ZC2HC1A: variants seen among roughly 807,000 people sequenced by gnomAD.
ZC2HC1A encodes zinc finger C2HC-type containing 1A, also known as zinc finger C2HC domain-containing protein 1A.
ZC2HC1A carries 28 observed loss-of-function variants against 40.7 expected under a neutral mutation model. That is an observed-to-expected ratio of 0.69 (90% confidence interval 0.51 to 0.94). The LOEUF (loss-of-function observed/expected upper bound fraction) is 0.94, where lower values mean the gene tolerates loss of function less well. Among genes scored for constraint, ZC2HC1A ranks in the 40% least tolerant of loss-of-function variants. The pLI is 0.00. For synonymous variants in ZC2HC1A, 129 were observed against 129.2 expected, an observed-to-expected ratio of 1.00 and a Z score of 0.01; for missense variants, 389 against 386.3, an observed-to-expected ratio of 1.01 and a Z score of -0.06.
chr8:78,666,335 G>C (rs891738276), intron 1 of ZC2HC1A, among the ~76,000 whole-genome samples, 171 bp downstream of exon 1: 6 of 152,210 alleles, frequency 3.9e-5, no homozygotes, highest in Non-Finnish European at 7.4e-5. Flanking sequence ...TCCCCGATGC[G>C]GTGGAGCTAA....
At chr8:78,668,881 C>A (rs1318286377) in intron 1 of ZC2HC1A, among the ~76,000 whole-genome samples, 2 of 151,094 alleles carry the variant, frequency 1.3e-5, no homozygotes, top group East Asian at 3.9e-4. Flanking sequence ...CAGATTTTAT[C>A]CTTATATACA....
chr8:78,680,286 C>CCAAA (rs1809732644), intron 3 of ZC2HC1A, among the ~76,000 whole-genome samples: 2 of 88,150 alleles, frequency 2.3e-5, no homozygotes, highest in African/African-American at 9.0e-5. Flanking sequence ...GACTCCGTCT[C>CCAAA]AAAAAAAAAA....
chr8:78,697,296 A>G, intron 5 of ZC2HC1A, 111 bp from the exon 6 acceptor site: 1 of 845,092 alleles, frequency 1.2e-6, no homozygotes, highest in Non-Finnish European at 1.8e-6. Context: ...AACTCTTTTC[A>G]TCTTGTAAGG....
chr8:78,712,608 A>C (rs945598966), intron 7 of ZC2HC1A, among the ~76,000 whole-genome samples: 2 of 152,158 alleles, frequency 1.3e-5, no homozygotes, highest in African/African-American at 4.8e-5. Context: ...TTCTGCCTAC[A>C]ACCGGGAAAA....
intron 7 of ZC2HC1A, among the ~76,000 whole-genome samples, chr8:78,712,437 G>A (rs1423929994): frequency 6.6e-6 from 1 of 151,940 alleles, no homozygotes; most frequent in Non-Finnish European, 1.5e-5. Context: ...GTTTTAAAAA[G>A]CAGAGTTTGA....
chr8:78,676,700 C>G (rs1345660853), intron 2 of ZC2HC1A, among the ~76,000 whole-genome samples: 2 of 151,956 alleles, frequency 1.3e-5, no homozygotes, highest in African/African-American at 4.8e-5. Context: ...ACTGTAGGCA[C>G]CTTTTAAATA....
chr8:78,686,426 T>C, intron 3 of ZC2HC1A, 41 bp from the exon 4 acceptor site: 1 of 1,243,634 alleles, frequency 8.0e-7, no homozygotes. Flanking sequence ...AAAAAGATAC[T>C]GTTTGTTTAT....
chr8:78,668,108 C>G (rs1210357832), intron 1 of ZC2HC1A, among the ~76,000 whole-genome samples: 1 of 152,038 alleles, frequency 6.6e-6, no homozygotes, highest in Non-Finnish European at 1.5e-5. Context: ...CTAATAAAAG[C>G]TCTTGAGAAT....
At chr8:78,691,545 G>C (rs1250729594) in intron 5 of ZC2HC1A, among the ~76,000 whole-genome samples, 1 of 151,682 alleles carries the variant, frequency 6.6e-6, no homozygotes, top group Non-Finnish European at 1.5e-5. Flanking sequence ...CATCTTGTTG[G>C]TCAAAATTGC....
chr8:78,704,228 A>T (rs187628473), intron 7 of ZC2HC1A, among the ~76,000 whole-genome samples: 202 of 151,972 alleles, frequency 1.3e-3, no homozygotes, highest in Non-Finnish European at 2.2e-3. Context: ...TTTAAAAAAA[A>T]AATACAAAAA....
At chr8:78,672,225 T>A (rs193223057) in intron 1 of ZC2HC1A, among the ~76,000 whole-genome samples, 3,077 of 152,200 alleles carry the variant, frequency 0.02, 97 homozygotes, top group African/African-American at 0.062. Context: ...AATATTTTTT[T>A]AAAAATTATT....
intron 7 of ZC2HC1A, among the ~76,000 whole-genome samples, chr8:78,705,161 A>C (rs1810731875): frequency 6.6e-6 from 1 of 152,164 alleles, no homozygotes; most frequent in Non-Finnish European, 1.5e-5. Context: ...TTCCTGTTGG[A>C]GAGGTGATGC....
chr8:78,680,887 A>T (rs993762947), intron 3 of ZC2HC1A, among the ~76,000 whole-genome samples: 15 of 152,136 alleles, frequency 9.9e-5, no homozygotes, highest in African/African-American at 3.6e-4. Context: ...AGAAACTGGG[A>T]GGAGCTGTAG....
intron 8 of ZC2HC1A, among the ~76,000 whole-genome samples, chr8:78,716,268 G>A (rs971883637): frequency 4.6e-5 from 7 of 151,102 alleles, no homozygotes; most frequent in African/African-American, 9.7e-5. Context: ...GACTACAGGC[G>A]CCCGCCACCA....
At chr8:78,680,793 G>T (rs181684134) in intron 3 of ZC2HC1A, among the ~76,000 whole-genome samples, 1 of 152,298 alleles carries the variant, frequency 6.6e-6, no homozygotes, top group Admixed American at 6.5e-5. Context: ...AAGTTGAGGG[G>T]TTTCCTCATC....
At chr8:78,684,317 A>G (rs773832174) in intron 3 of ZC2HC1A, among the ~76,000 whole-genome samples, 12 of 152,214 alleles carry the variant, frequency 7.9e-5, no homozygotes, top group Non-Finnish European at 1.0e-4. Flanking sequence ...TGGAAGGTGA[A>G]GAAGAATCAA....
At chr8:78,673,281 G>C (rs1283979786) in intron 1 of ZC2HC1A, among the ~76,000 whole-genome samples, 1 of 152,114 alleles carries the variant, frequency 6.6e-6, no homozygotes, top group Non-Finnish European at 1.5e-5. Context: ...TTCCATGGTA[G>C]ACATGTGCCA....
chr8:78,688,845 T>C (rs552860710), intron 4 of ZC2HC1A, among the ~76,000 whole-genome samples: 1 of 152,266 alleles, frequency 6.6e-6, no homozygotes, highest in Admixed American at 6.5e-5. Context: ...TTTAACGTCA[T>C]GTATTATTAC....
chr8:78,674,259 T>C (rs539289639), intron 1 of ZC2HC1A, among the ~76,000 whole-genome samples: 1 of 152,318 alleles, frequency 6.6e-6, no homozygotes, highest in South Asian at 2.1e-4. Flanking sequence ...GATTTTGCTT[T>C]GTCATCTAAG....
Sources: gnomAD v4.1 joint callset for allele counts (sites outside exome capture counted in the v4.1 genomes callset) on GRCh38, gnomAD v4.1.1 for gene constraint, MANE v1.5 for transcripts, NCBI Gene and HGNC (gene_info 2026-07-23, HGNC 2026-07-21) for gene names.